EIF3E: variants seen among roughly 807,000 people sequenced by gnomAD.
The protein encoded by EIF3E is eukaryotic translation initiation factor 3 subunit E.
EIF3E carries 25 observed loss-of-function variants against 59.3 expected under a neutral mutation model. The observed-to-expected ratio is 0.42, with a 90% CI of 0.31 to 0.59. EIF3E has a LOEUF of 0.59. EIF3E is among the 20% of genes least tolerant of loss of function. The pLI is 0.15. For synonymous variants in EIF3E, 176 were observed against 170.2 expected (o/e 1.03, Z -0.26); for missense variants, 317 against 534.3 (o/e 0.59, Z 4.01).
chr8:108,230,634 G>T (rs1223215655), intron 5 of EIF3E, among the ~76,000 whole-genome samples: 2 of 152,050 alleles, frequency 1.3e-5, no homozygotes, highest in Non-Finnish European at 2.9e-5. Flanking sequence ...AACACAGGGA[G>T]TAGATGTGTA....
At chr8:108,216,570 G>C (rs912861020) in intron 8 of EIF3E, 57 bp from the exon 9 acceptor site, 1 of 1,178,122 alleles carries the variant, frequency 8.5e-7, no homozygotes, top group African/African-American at 1.6e-5. Context: ...TTAGCAGATT[G>C]CCCCAGAATA....
intron 7 of EIF3E, among the ~76,000 whole-genome samples, chr8:108,221,040 A>AAGGAC (rs1039574115): frequency 7.2e-5 from 11 of 152,106 alleles, no homozygotes; most frequent in South Asian, 2.1e-4. Context: ...ACAGACAGGA[A>AAGGAC]AGGACAGGAC....
chr8:108,247,634 C>CT, intron 1 of EIF3E, among the ~76,000 whole-genome samples: 1 of 152,220 alleles, frequency 6.6e-6, no homozygotes, highest in African/African-American at 2.4e-5. Flanking sequence ...TGTTTTATTG[C>CT]TTTTTGTCTT....
chr8:108,211,486 G>A (rs1165714768), intron 10 of EIF3E, among the ~76,000 whole-genome samples: 2 of 152,088 alleles, frequency 1.3e-5, no homozygotes, highest in Admixed American at 6.5e-5. Context: ...GTAGATTCTG[G>A]ATATTAGCCC....
chr8:108,244,737 G>T (rs1017933722), intron 1 of EIF3E, among the ~76,000 whole-genome samples: 5 of 151,880 alleles, frequency 3.3e-5, no homozygotes, highest in Non-Finnish European at 7.4e-5. Context: ...TTTCTCTTCA[G>T]TTCTATCATT....
At chr8:108,204,806 G>C (rs1462930509) in intron 10 of EIF3E, among the ~76,000 whole-genome samples, 1 of 139,984 alleles carries the variant, frequency 7.1e-6, no homozygotes, top group Non-Finnish European at 1.6e-5. Context: ...GAGAGAGACT[G>C]AATTTCAGAT....
chr8:108,208,125 C>T (rs1563627115), intron 10 of EIF3E, among the ~76,000 whole-genome samples: 1 of 152,108 alleles, frequency 6.6e-6, no homozygotes, highest in South Asian at 2.1e-4. Context: ...CCTCCCATAG[C>T]CACCATCTTC....
In EIF3E at chr8:108,222,739, C is replaced by T. The variant is rs185920860; in HGVS notation, c.723-5279G>A. Among the ~76,000 whole-genome samples, 248 of 151,356 alleles carry T rather than the reference C, an allele frequency of 1.6e-3. 1 individual carries two copies. Among genetic ancestry groups the T allele is most frequent in the Middle Eastern group, 0.01 (3 of 290 alleles). The stretch of plus-strand genomic sequence containing the variant: ...ACTGTATGTACTTATTAGACATGCT[C>T]TTGTATTACTTATTATGTTACTCGT... On this transcript the variant is annotated intron_variant, in intron 7 of 12. Coordinates refer to ENST00000220849, the MANE Select transcript of EIF3E (RefSeq NM_001568.3).
intron 3 of EIF3E, among the ~76,000 whole-genome samples, chr8:108,236,788 G>A (rs961308426): frequency 3.9e-5 from 6 of 152,100 alleles, no homozygotes; most frequent in South Asian, 4.1e-4. Context: ...TTGGGAGGCC[G>A]AGGCAGGTGG....
At chr8:108,216,267 T>C (rs1815302639) in intron 9 of EIF3E, 145 bp downstream of exon 9, 2 of 604,056 alleles carry the variant, frequency 3.3e-6, no homozygotes, top group Admixed American at 7.1e-5. Context: ...TTAATAAACA[T>C]GAGCCATTTA....
chr8:108,203,858 G>C (rs1202916905), intron 10 of EIF3E, among the ~76,000 whole-genome samples: 1 of 151,948 alleles, frequency 6.6e-6, no homozygotes, highest in Admixed American at 6.6e-5. Flanking sequence ...CTCTATATAA[G>C]TCAGCCCTCC....
At chr8:108,226,822 T>C (rs1458536179) in intron 7 of EIF3E, among the ~76,000 whole-genome samples, 2 of 152,202 alleles carry the variant, frequency 1.3e-5, no homozygotes, top group African/African-American at 4.8e-5. Context: ...CCCCCCATGA[T>C]TCCTCCCTCA....
chr8:108,244,783 T>A (rs1433856059), intron 1 of EIF3E, among the ~76,000 whole-genome samples: 2 of 152,054 alleles, frequency 1.3e-5, no homozygotes, highest in African/African-American at 4.8e-5. Flanking sequence ...CTATATACAA[T>A]TCAGTGTCAA....
chr8:108,212,610 T>A (rs1373512815), intron 10 of EIF3E, among the ~76,000 whole-genome samples: 1 of 152,174 alleles, frequency 6.6e-6, no homozygotes, highest in Non-Finnish European at 1.5e-5. Context: ...AAGACAAGCC[T>A]GGCCAACATG....
chr8:108,244,278 T>C (rs1239623536), intron 1 of EIF3E, among the ~76,000 whole-genome samples: 1 of 152,222 alleles, frequency 6.6e-6, no homozygotes, highest in Non-Finnish European at 1.5e-5. Context: ...TGTTCCTCTG[T>C]TACAAACTAT....
intron 5 of EIF3E, among the ~76,000 whole-genome samples, chr8:108,232,754 T>G (rs1305467297): frequency 1.3e-5 from 2 of 152,208 alleles, no homozygotes; most frequent in Non-Finnish European, 1.5e-5. Context: ...TGGCTCTTCA[T>G]ACTAACCTGC....
At chr8:108,209,531 T>C (rs1346219505) in intron 10 of EIF3E, among the ~76,000 whole-genome samples, 4 of 152,148 alleles carry the variant, frequency 2.6e-5, no homozygotes, top group Admixed American at 6.5e-5. Context: ...TGTCCACTTA[T>C]TTAATATCCG....
At position 108,214,648 on chromosome 8, in the gene EIF3E, T is replaced by C. The variant is rs1389140030; in HGVS notation, c.1020A>G (p.Ile340Met). Residue 340 changes from isoleucine (I) to methionine (M), a missense_variant, in exon 10 of 13, where the codon ATA becomes ATG. Physicochemically the swap from Ile to Met is conservative, Grantham distance 10. Coordinates refer to ENST00000220849, the MANE Select transcript of EIF3E (RefSeq NM_001568.3). Reference sequence around the variant, plus strand: ...GGTGGATGCGACAGAAAGTCTCAAATATGAAGAGACGGGCATTTTCAATGA... The same window carrying C: ...GGTGGATGCGACAGAAAGTCTCAAACATGAAGAGACGGGCATTTTCAATGA... ...EDFIENARLF[I>M]FETFCRIHQC... 1.9e-6 allele frequency: 3 copies of C among 1,611,692 alleles called. No individual in the cohort carries two copies. Among genetic ancestry groups the C allele is most frequent in the Non-Finnish European group, 2.5e-6 (3 of 1,179,492 alleles).
chr8:108,220,118 T>A (rs775048943), intron 7 of EIF3E, among the ~76,000 whole-genome samples: 16 of 149,492 alleles, frequency 1.1e-4, no homozygotes, highest in Non-Finnish European at 2.2e-4. Context: ...ACTCCAGGCC[T>A]GGGCGACGGA....
Sources: gnomAD v4.1 joint callset for allele counts (sites outside exome capture counted in the v4.1 genomes callset) on GRCh38, gnomAD v4.1.1 for gene constraint, MANE v1.5 for transcripts, NCBI Gene and HGNC (gene_info 2026-07-23, HGNC 2026-07-21) for gene names.